The following MYO5B variants were observed in gnomAD, a reference collection of about 807,000 sequenced individuals.
MYO5B encodes the protein unconventional myosin-Vb.
In MYO5B, 143 loss-of-function variants were observed where a neutral mutation model predicts 229.3. That is an observed-to-expected ratio of 0.62 (90% CI 0.54 to 0.72). The LOEUF is 0.72. MYO5B is among the 30% of genes least tolerant of loss of function. The probability of loss-of-function intolerance (pLI) is 0.00; values close to 1 mark genes in which losing one functional copy is unlikely to be tolerated. For missense variants in MYO5B, 2,321 were observed against 2,331.0 expected, an observed-to-expected ratio of 1.00 and a Z score of 0.09; for synonymous variants, 918 against 885.2, an observed-to-expected ratio of 1.04 and a Z score of -0.66.
At chr18:50,179,889 T>C (rs1455801096) in intron 1 of MYO5B, among the ~76,000 whole-genome samples, 1 of 152,088 alleles carries the variant, frequency 6.6e-6, no homozygotes, top group Non-Finnish European at 1.5e-5. Flanking sequence ...GAATACCAAG[T>C]GCTAGGAGGG....
intron 29 of MYO5B, among the ~76,000 whole-genome samples, chr18:49,861,450 T>G (rs2024328404): frequency 6.6e-6 from 1 of 152,218 alleles, no homozygotes; most frequent in Non-Finnish European, 1.5e-5. Context: ...TAGTATCACC[T>G]GGGCTTTTTC....
chr18:50,018,136 A>C (rs2026235743), intron 4 of MYO5B, among the ~76,000 whole-genome samples: 1 of 152,132 alleles, frequency 6.6e-6, no homozygotes, highest in South Asian at 2.1e-4. Flanking sequence ...CTGGATGGCT[A>C]TTCACAGTTG....
intron 27 of MYO5B, among the ~76,000 whole-genome samples, chr18:49,870,397 T>A (rs1034144728): frequency 6.6e-6 from 1 of 152,188 alleles, no homozygotes; most frequent in African/African-American, 2.4e-5. Context: ...TTCTTAAACA[T>A]GACACCAAAG....
chr18:50,044,560 C>T (rs1041752318), intron 2 of MYO5B, among the ~76,000 whole-genome samples: 3 of 151,990 alleles, frequency 2.0e-5, no homozygotes, highest in African/African-American at 7.3e-5. Flanking sequence ...CCAGTTGGTC[C>T]CTGCCTGACA....
intron 14 of MYO5B, among the ~76,000 whole-genome samples, chr18:49,943,514 A>G (rs184825737): frequency 4.7e-4 from 71 of 152,318 alleles, no homozygotes; most frequent in South Asian, 2.1e-3. Flanking sequence ...TAAAAAACCG[A>G]TATTTGTATT....
In MYO5B at chr18:49,847,339, C is replaced by T. The variant is rs763531963; in HGVS notation, c.4316-50G>A. 6.1e-5 allele frequency: 97 copies of T among 1,597,102 alleles called. No individual in the cohort carries two copies. In the East Asian group the frequency reaches 2.1e-3, roughly 35 times the overall value. ...CATGGATGAGACTTCCAGCTGCAGG[C>T]CTGAGGGTAGCGGGCATCTCTGGCG... On this transcript the variant is annotated intron_variant, in intron 32 of 39. Coordinates refer to ENST00000285039, the MANE Select transcript of MYO5B (RefSeq NM_001080467.3).
chr18:50,033,070 T>C (rs2144377119), intron 4 of MYO5B, among the ~76,000 whole-genome samples: 1 of 152,322 alleles, frequency 6.6e-6, no homozygotes, highest in Admixed American at 6.5e-5. Flanking sequence ...TTTGTTTTAC[T>C]TTTCAAAAAA....
At chr18:50,039,593 A>C (rs1195801357) in intron 3 of MYO5B, among the ~76,000 whole-genome samples, 1 of 152,172 alleles carries the variant, frequency 6.6e-6, no homozygotes, top group Non-Finnish European at 1.5e-5. Flanking sequence ...GGCCTCCCAA[A>C]GTGCTGGGAT....
intron 16 of MYO5B, among the ~76,000 whole-genome samples, chr18:49,929,873 C>A (rs2025170750): frequency 1.3e-5 from 2 of 151,962 alleles, no homozygotes; most frequent in Non-Finnish European, 2.9e-5. Flanking sequence ...TTCTTCTTTG[C>A]CCACCCGAAT....
At chr18:50,044,235 G>C (rs921624892) in intron 2 of MYO5B, among the ~76,000 whole-genome samples, 3 of 152,116 alleles carry the variant, frequency 2.0e-5, no homozygotes, top group Non-Finnish European at 4.4e-5. Flanking sequence ...CGTCCAGAGG[G>C]AAGGCAGGAG....
At position 49,861,141 on chromosome 18, in the gene MYO5B, G is replaced by A. The variant is rs201624878; in HGVS notation, c.3944+2086C>T. 8.5e-5 allele frequency among the ~76,000 whole-genome samples: 13 copies of A among 152,340 alleles called. No homozygotes were observed. The East Asian group carries it at 1.7e-3, about 20-fold the overall frequency. On this transcript the variant is annotated intron_variant, in intron 29 of 39. Transcript: ENST00000285039. ...CCCCAGGGCAGCCAGCTCCTTTTCT[G>A]TACTTAACTCAGTTTCACAGGCTAT...
intron 22 of MYO5B, among the ~76,000 whole-genome samples, chr18:49,891,665 C>T (rs891135805): frequency 1.8e-4 from 27 of 152,158 alleles, no homozygotes; most frequent in Non-Finnish European, 3.1e-4. Flanking sequence ...GAGAGCACAA[C>T]CCCCTCTTGG....
rs1295800814 is a variant in MYO5B, at chr18:50,056,290, AC to A, written c.28-913del. On this transcript the variant is annotated intron_variant, in intron 1 of 39. Transcript: ENST00000285039. ...CCCAGCCCTACTTGCAGTCAGAATCACCTGGGGAGCCTGGAAAATATCAATT... is the reference window on the plus strand; with the variant it reads ...CCCAGCCCTACTTGCAGTCAGAATCACTGGGGAGCCTGGAAAATATCAATT... Among the ~76,000 whole-genome samples the A allele has an allele frequency of 2.0e-5, 3 of 152,230 alleles. No individual in the cohort carries two copies. The East Asian group carries it at 5.8e-4, about 29-fold the overall frequency.
intron 4 of MYO5B, among the ~76,000 whole-genome samples, chr18:50,036,599 C>A (rs974051418): frequency 6.6e-6 from 1 of 152,130 alleles, no homozygotes; most frequent in Non-Finnish European, 1.5e-5. Flanking sequence ...GGAATTTATT[C>A]CATTGCTCAA....
intron 10 of MYO5B, among the ~76,000 whole-genome samples, chr18:49,965,886 G>A (rs113829209): frequency 3.2e-4 from 48 of 152,322 alleles, no homozygotes; most frequent in African/African-American, 1.1e-3. Context: ...TAATACCAAC[G>A]AGGTAATAGC....
chr18:49,983,422 T>G lies in MYO5B; in HGVS notation c.946+1296A>C, dbSNP rs140477030. Among the ~76,000 whole-genome samples, 655 of 152,282 alleles carry G rather than the reference T, an allele frequency of 4.3e-3. 7 individuals carry two copies. Among genetic ancestry groups the G allele is most frequent in the African/African-American group, 0.014 (596 of 41,566 alleles). ...CTGGCCCCCTACACCTTGGGGCACC[T>G]GCAGCCTGCTTGTACAAAACAGCTC... On this transcript the variant is annotated intron_variant, in intron 8 of 39. Coordinates refer to ENST00000285039, the MANE Select transcript of MYO5B (RefSeq NM_001080467.3).
intron 1 of MYO5B, among the ~76,000 whole-genome samples, chr18:50,068,081 A>T (rs568086467): frequency 4.1e-4 from 63 of 152,216 alleles, no homozygotes; most frequent in African/African-American, 1.5e-3. Context: ...TAGAGTGGAA[A>T]TATTTTAAAT....
At chr18:49,938,909 G>C (rs886793252) in intron 14 of MYO5B, among the ~76,000 whole-genome samples, 54 of 71,394 alleles carry the variant, frequency 7.6e-4, no homozygotes, top group Non-Finnish European at 1.1e-3. Flanking sequence ...TCCTGTCTGT[G>C]TCTCCCACAG....
At chr18:50,180,441 C>A (rs935254374) in intron 1 of MYO5B, among the ~76,000 whole-genome samples, 12 of 152,172 alleles carry the variant, frequency 7.9e-5, no homozygotes, top group African/African-American at 2.9e-4. Flanking sequence ...AGCTGAGGAA[C>A]CAGGACTCAA....
Sources: allele counts gnomAD v4.1 joint callset (sites outside exome capture counted in the v4.1 genomes callset), GRCh38; gene constraint gnomAD v4.1.1; transcripts MANE v1.5; gene names NCBI Gene and HGNC (gene_info 2026-07-23, HGNC 2026-07-21).